The following TMEM135 variants were observed in gnomAD, a reference collection of about 807,000 sequenced individuals.
TMEM135 encodes transmembrane protein 135, also known as peroxisomal membrane protein 52.
In TMEM135, 30 loss-of-function variants were observed where a neutral mutation model predicts 60.3. That is an observed-to-expected ratio of 0.50 (90% confidence interval 0.37 to 0.68). The LOEUF (loss-of-function observed/expected upper bound fraction) is 0.68. Among genes scored for constraint, TMEM135 ranks in the 30% least tolerant of loss-of-function variants. The pLI is 0.00. For synonymous variants in TMEM135, 190 were observed against 186.7 expected (o/e 1.02, Z -0.14); for missense variants, 468 against 548.8 (o/e 0.85, Z 1.47).
chr11:87,067,312 T>C (rs1025971089), intron 1 of TMEM135, among the ~76,000 whole-genome samples: 2 of 151,332 alleles, frequency 1.3e-5, no homozygotes, highest in African/African-American at 4.8e-5. Context: ...AGTTCTCTAA[T>C]AGTAATAGCC....
At position 87,326,268 on chromosome 11, in the gene TMEM135, C is replaced by G. The variant is rs1395538904; in HGVS notation, c.*4935C>G. On this transcript the variant is annotated 3_prime_UTR_variant, in exon 15 of 15. Coordinates refer to ENST00000305494, the MANE Select transcript of TMEM135 (RefSeq NM_022918.4). ...TCTGCCTTGCTTAGACTCAGCATCCCTTTCTGTCTTGAGAGATTCAGGCTT... is the reference window on the plus strand; with the variant it reads ...TCTGCCTTGCTTAGACTCAGCATCCGTTTCTGTCTTGAGAGATTCAGGCTT... 1.1e-5 allele frequency: 5 copies of G among 453,954 alleles called. No homozygotes were observed. The highest frequency in any genetic ancestry group is 2.2e-5 in the Non-Finnish European group (5 of 226,790). 28.1% of individuals were successfully genotyped at this position (453,954 alleles called of 1,614,324 possible). A position where few individuals can be genotyped will look rare whatever the true frequency, so the allele number is the denominator to read the frequency against.
At chr11:87,298,800 A>AAAAAAC (rs1942394127) in intron 7 of TMEM135, among the ~76,000 whole-genome samples, 1 of 140,000 alleles carries the variant, frequency 7.1e-6, no homozygotes, top group Non-Finnish European at 1.6e-5. Flanking sequence ...AAAAAAAAAA[A>AAAAAAC]AAAACAGCCG....
chr11:87,255,222 A>T (rs575427755), intron 6 of TMEM135, among the ~76,000 whole-genome samples: 1 of 152,150 alleles, frequency 6.6e-6, no homozygotes, highest in South Asian at 2.1e-4. Context: ...TAGGGGTCGG[A>T]AGAAGAGGGC....
intron 5 of TMEM135, among the ~76,000 whole-genome samples, chr11:87,188,048 A>T (rs1226633451): frequency 6.6e-6 from 1 of 152,180 alleles, no homozygotes; most frequent in East Asian, 1.9e-4. Flanking sequence ...ATTCCCACTT[A>T]CAAGTTCAGT....
chr11:87,047,491 C>T (rs61906196), intron 1 of TMEM135, among the ~76,000 whole-genome samples: 103 of 151,100 alleles, frequency 6.8e-4, no homozygotes, highest in East Asian at 6.7e-3. Flanking sequence ...GGGCGAGGCA[C>T]TGCCTCACCT....
At chr11:87,283,415 T>C (rs1942104962) in intron 6 of TMEM135, among the ~76,000 whole-genome samples, 1 of 152,164 alleles carries the variant, frequency 6.6e-6, no homozygotes, top group South Asian at 2.1e-4. Context: ...TACTAGGAGA[T>C]GCATATTTTA....
At chr11:87,046,613 C>T (rs1949798808) in intron 1 of TMEM135, among the ~76,000 whole-genome samples, 1 of 152,134 alleles carries the variant, frequency 6.6e-6, no homozygotes, top group Non-Finnish European at 1.5e-5. Flanking sequence ...GACCATGAGA[C>T]ATTGAGAAAT....
intron 4 of TMEM135, among the ~76,000 whole-genome samples, chr11:87,120,110 C>CTTTTTTTTTTTTTTTTTTTT (rs770897413): frequency 7.6e-6 from 1 of 130,908 alleles, no homozygotes. Context: ...TTTTTTTCTT[C>CTTTTTTTTTTTTTTTTTTTT]TTCTTCTTTT....
intron 1 of TMEM135, among the ~76,000 whole-genome samples, chr11:87,054,183 C>A (rs951849421): frequency 5.9e-5 from 9 of 151,952 alleles, no homozygotes; most frequent in Non-Finnish European, 1.0e-4. Context: ...ACCTGTAATC[C>A]CAGCACTTTG....
chr11:87,242,684 C>G (rs1277267151), intron 6 of TMEM135, among the ~76,000 whole-genome samples: 21 of 142,964 alleles, frequency 1.5e-4, no homozygotes, highest in African/African-American at 3.7e-4. Context: ...CCTTTGCCCA[C>G]TTTTTGATGG....
chr11:87,224,404 A>G (rs983225837), intron 5 of TMEM135, among the ~76,000 whole-genome samples: 1 of 152,208 alleles, frequency 6.6e-6, no homozygotes, highest in Non-Finnish European at 1.5e-5. Flanking sequence ...CTTTTGTCAA[A>G]TGACAGAAAT....
rs654405 is a variant in TMEM135 at position 87,170,137 on chromosome 11, G to T, written c.462+12731G>T. ...CATGCTGTGTTTTTCAGCTCCATCA[G>T]GTCATTTATTTTCTTCTCTAAACTG... is the stretch of plus-strand genomic sequence containing the variant. On this transcript the variant is annotated intron_variant, in intron 5 of 14. Transcript: ENST00000305494. Among the ~76,000 whole-genome samples, 5 of 151,884 alleles carry T rather than the reference G, an allele frequency of 3.3e-5. No individual in the cohort carries two copies. The East Asian group carries it at 7.8e-4, about 24-fold the overall frequency.
chr11:87,166,743 C>A (rs1457857951), intron 5 of TMEM135, among the ~76,000 whole-genome samples: 2 of 131,448 alleles, frequency 1.5e-5, no homozygotes, highest in African/African-American at 5.9e-5. Flanking sequence ...TAGTGTGATG[C>A]CTCCAGTTTT....
intron 5 of TMEM135, among the ~76,000 whole-genome samples, chr11:87,223,180 T>C (rs867979508): frequency 3.3e-5 from 5 of 151,296 alleles, no homozygotes; most frequent in South Asian, 4.2e-4. Context: ...TTTTTTTTTT[T>C]CTGAGATGGA....
At chr11:87,316,279 T>TGA (rs1466380177) in intron 12 of TMEM135, among the ~76,000 whole-genome samples, 25 of 150,670 alleles carry the variant, frequency 1.7e-4, no homozygotes, top group African/African-American at 5.6e-4. Flanking sequence ...TGTGTGTGTG[T>TGA]GTGTGTGAGA....
intron 6 of TMEM135, among the ~76,000 whole-genome samples, chr11:87,261,454 C>G (rs1427983975): frequency 1.3e-5 from 2 of 152,088 alleles, no homozygotes; most frequent in Non-Finnish European, 2.9e-5. Flanking sequence ...AATTAGAAGT[C>G]TCCGTTTCTT....
chr11:87,107,159 A>G (rs1857618148), intron 4 of TMEM135, among the ~76,000 whole-genome samples: 1 of 152,154 alleles, frequency 6.6e-6, no homozygotes, highest in South Asian at 2.1e-4. Context: ...TCATTGGTCT[A>G]TTTAGATATT....
chr11:87,304,717 A>T (rs11826121), intron 8 of TMEM135, among the ~76,000 whole-genome samples: 46 of 152,214 alleles, frequency 3.0e-4, no homozygotes, highest in Non-Finnish European at 3.2e-4. Flanking sequence ...GGATTGGAGA[A>T]GTGCAGAGCC....
intron 5 of TMEM135, among the ~76,000 whole-genome samples, chr11:87,220,801 A>G (rs1403774444): frequency 3.3e-5 from 5 of 152,222 alleles, no homozygotes; most frequent in African/African-American, 1.2e-4. Flanking sequence ...AGTGATTAAA[A>G]AGAATTTTTA....
Sources: gnomAD v4.1 joint callset for allele counts (sites outside exome capture counted in the v4.1 genomes callset) on GRCh38, gnomAD v4.1.1 for gene constraint, MANE v1.5 for transcripts, NCBI Gene and HGNC (gene_info 2026-07-23, HGNC 2026-07-21) for gene names.